APIP: variants seen among roughly 807,000 people sequenced by gnomAD.
The protein encoded by APIP is APAF1 interacting protein.
In APIP, 32 loss-of-function variants were observed where a neutral mutation model predicts 32.0. The ratio of observed to expected loss-of-function variants is 1.00; its 90% CI spans 0.76 to 1.34. The LOEUF (loss-of-function observed/expected upper bound fraction) is 1.34, where lower values mean the gene tolerates loss of function less well. Ranked by LOEUF, APIP falls within the 40% of genes most tolerant of loss-of-function variation. The pLI, the probability that APIP is intolerant of heterozygous loss-of-function variation, is 0.00. For missense variants in APIP, 247 were observed against 298.6 expected (o/e 0.83, Z 1.27); for synonymous variants, 92 against 94.8 (o/e 0.97, Z 0.17).
chr11:34,906,933 C>T (rs1186710882), intron 1 of APIP, among the ~76,000 whole-genome samples: 2 of 152,208 alleles, frequency 1.3e-5, no homozygotes, highest in Non-Finnish European at 2.9e-5. Flanking sequence ...ATCATTTCCT[C>T]TTGCCTAGAA....
chr11:34,888,503 G>A, intron 4 of APIP, 75 bp from the exon 5 acceptor site: 2 of 1,554,678 alleles, frequency 1.3e-6, no homozygotes, highest in African/African-American at 1.4e-5. Flanking sequence ...AGTCCATATA[G>A]TTATACTTAT....
chr11:34,910,479 G>T (rs11032922), intron 1 of APIP, among the ~76,000 whole-genome samples: 28,701 of 152,018 alleles, frequency 0.19, 3,847 homozygotes, highest in African/African-American at 0.39. Flanking sequence ...CGGGTAACAT[G>T]AGGAGACAGG....
intron 1 of APIP, among the ~76,000 whole-genome samples, chr11:34,909,242 A>T (rs1453184675): frequency 6.6e-6 from 1 of 152,106 alleles, no homozygotes; most frequent in Non-Finnish European, 1.5e-5. Context: ...TGTGGGTCAG[A>T]AACATTACCA....
chr11:34,900,287 T>C (rs540893186), intron 1 of APIP, among the ~76,000 whole-genome samples: 1 of 151,296 alleles, frequency 6.6e-6, no homozygotes, highest in South Asian at 2.1e-4. Context: ...AAAGGAGCAA[T>C]CTGAGACAGC....
chr11:34,895,039 C>T lies in APIP; in HGVS notation c.129G>A (p.Gly43=), dbSNP rs1436365456. 5 of 1,613,980 alleles carry T rather than the reference C, an allele frequency of 3.1e-6. No individual in the cohort carries two copies. The highest frequency in any genetic ancestry group is 4.2e-6 in the Non-Finnish European group (5 of 1,179,996). Residue 43 remains glycine, a synonymous_variant, in exon 2 of 7, where the codon GGG becomes GGA. Coordinates refer to ENST00000395787, the MANE Select transcript of APIP (RefSeq NM_015957.4). The part of the protein sequence containing the change: ...KQFYHLGWVT[G]TGGGISLKHG... Reference sequence around the variant, plus strand: ...GCTTCAAGCTAATTCCTCCTCCAGTCCCAGTGACCCAGCCTAAATGGTAAA... The same window carrying T: ...GCTTCAAGCTAATTCCTCCTCCAGTTCCAGTGACCCAGCCTAAATGGTAAA...
intron 1 of APIP, among the ~76,000 whole-genome samples, chr11:34,907,045 C>T (rs1041911000): frequency 2.0e-5 from 3 of 152,142 alleles, no homozygotes; most frequent in African/African-American, 4.8e-5. Flanking sequence ...CTGTTGTTCC[C>T]CACTTGATGT....
chr11:34,902,342 T>C (rs975832691), intron 1 of APIP, among the ~76,000 whole-genome samples: 2 of 152,216 alleles, frequency 1.3e-5, no homozygotes, highest in African/African-American at 4.8e-5. Context: ...CTTGCATTAG[T>C]TGATGATATT....
At chr11:34,895,183 TAAG>T in intron 1 of APIP, 73 bp from the exon 2 acceptor site, 5 of 1,311,040 alleles carry the variant, frequency 3.8e-6, no homozygotes, top group South Asian at 2.4e-5. Flanking sequence ...GTGTTTCTAA[TAAG>T]AAGCCAATTT....
At chr11:34,896,167 T>A (rs184924223) in intron 1 of APIP, among the ~76,000 whole-genome samples, 2 of 152,286 alleles carry the variant, frequency 1.3e-5, no homozygotes, top group African/African-American at 4.8e-5. Flanking sequence ...GTAAATTAGT[T>A]CAACCATTGT....
intron 1 of APIP, among the ~76,000 whole-genome samples, chr11:34,908,946 G>A (rs1245664053): frequency 7.0e-6 from 1 of 143,842 alleles, no homozygotes; most frequent in Non-Finnish European, 1.5e-5. Flanking sequence ...AACCACCAAA[G>A]AGTTTGAAAC....
intron 1 of APIP, among the ~76,000 whole-genome samples, chr11:34,898,786 G>GTTTTTTTTTTT (rs57593563): frequency 1.8e-5 from 1 of 55,166 alleles, no homozygotes; most frequent in African/African-American, 8.4e-5. Context: ...TCTTTCTTTG[G>GTTTTTTTTTTT]TTTTTTTTTT....
chr11:34,888,405 G>C lies in APIP; in HGVS notation c.349C>G (p.His117Asp). 8 of 1,610,180 alleles carry C rather than the reference G, an allele frequency of 5.0e-6. No homozygotes were observed. The highest frequency in any genetic ancestry group is 5.9e-6 in the Non-Finnish European group (7 of 1,178,506). Residue 117 changes from histidine to aspartate, a missense_variant, in exon 5 of 7, where the codon CAC becomes GAC. His to Asp is a moderately conservative substitution (Grantham distance 81, BLOSUM62 -1). Coordinates refer to ENST00000395787, the MANE Select transcript of APIP (RefSeq NM_015957.4). ...GTGGCCATCACAGCAGCTTTAGAGT[G>C]GGTATGAATCACTGCACCTGCTCCT... ...MRGAGAVIHT[H>D]SKAAVMATLL...
intron 1 of APIP, among the ~76,000 whole-genome samples, chr11:34,908,867 G>A (rs1347764244): frequency 6.6e-6 from 1 of 152,178 alleles, no homozygotes; most frequent in African/African-American, 2.4e-5. Context: ...GAGGTAAAAG[G>A]GAGGCTGAGT....
At chr11:34,898,451 C>A (rs1346550220) in intron 1 of APIP, among the ~76,000 whole-genome samples, 2 of 152,140 alleles carry the variant, frequency 1.3e-5, no homozygotes, top group East Asian at 3.9e-4. Flanking sequence ...CCAGGACACA[C>A]CCTGGCGTTA....
chr11:34,891,834 G>A (rs1479090695), intron 2 of APIP, among the ~76,000 whole-genome samples: 1 of 152,140 alleles, frequency 6.6e-6, no homozygotes, highest in Non-Finnish European at 1.5e-5. Flanking sequence ...ATTAACAAGG[G>A]CTCTTTGTGA....
intron 1 of APIP, among the ~76,000 whole-genome samples, chr11:34,912,429 C>G (rs910963140): frequency 1.3e-5 from 2 of 152,194 alleles, no homozygotes; most frequent in Non-Finnish European, 1.5e-5. Flanking sequence ...AGTTCTCTCT[C>G]CTAGCTTGAA....
At chr11:34,888,156 G>C in intron 5 of APIP, 137 bp downstream of exon 5, 1 of 866,310 alleles carries the variant, frequency 1.2e-6, no homozygotes, top group Non-Finnish European at 1.6e-6. Context: ...AGGTCTAGAA[G>C]TGTAATATTA....
intron 1 of APIP, chr11:34,896,705 A>G (rs1051271122): frequency 1.1e-4 from 129 of 1,149,222 alleles, no homozygotes; most frequent in Non-Finnish European, 1.4e-4. Context: ...CACGTATCCC[A>G]GAACTTAAAA....
intron 3 of APIP, among the ~76,000 whole-genome samples, chr11:34,889,296 A>C (rs1006867815): frequency 2.0e-5 from 3 of 152,104 alleles, no homozygotes; most frequent in African/African-American, 2.4e-5. Flanking sequence ...AGTCTATATA[A>C]AGAAATCGAC....
Sources: gnomAD v4.1 joint callset for allele counts (sites outside exome capture counted in the v4.1 genomes callset) on GRCh38, gnomAD v4.1.1 for gene constraint, MANE v1.5 for transcripts, NCBI Gene and HGNC (gene_info 2026-07-23, HGNC 2026-07-21) for gene names.